TRPC4: variants seen among roughly 807,000 people sequenced by gnomAD.
The protein encoded by TRPC4 is short transient receptor potential channel 4.
A neutral mutation model predicts 99.4 loss-of-function variants in TRPC4; 49 were observed. That is an observed-to-expected ratio of 0.49 (90% CI 0.39 to 0.63). The LOEUF (loss-of-function observed/expected upper bound fraction) is 0.63. Among genes scored for constraint, TRPC4 ranks in the 20% least tolerant of loss-of-function variants. The pLI is 0.00. For synonymous variants in TRPC4, 454 were observed against 425.9 expected (o/e 1.07, Z -0.81); for missense variants, 898 against 1,152.9 (o/e 0.78, Z 3.20).
intron 5 of TRPC4, among the ~76,000 whole-genome samples, chr13:37,672,606 C>CA (rs1204894582): frequency 6.6e-6 from 1 of 152,086 alleles, no homozygotes; most frequent in African/African-American, 2.4e-5. Flanking sequence ...CACAAAACCA[C>CA]AAAAAACTAC....
chr13:37,726,780 G>T (rs1264562578), intron 3 of TRPC4, among the ~76,000 whole-genome samples: 1 of 151,954 alleles, frequency 6.6e-6, no homozygotes, highest in East Asian at 1.9e-4. Context: ...CATGAAAATA[G>T]TAACAAAAGG....
chr13:37,815,506 T>C (rs1957824920), intron 1 of TRPC4, among the ~76,000 whole-genome samples: 2 of 151,712 alleles, frequency 1.3e-5, no homozygotes, highest in African/African-American at 4.8e-5. Flanking sequence ...ACGACAGTGA[T>C]CAAAAAAGAC....
chr13:37,858,500 A>G (rs1438114163), intron 1 of TRPC4, among the ~76,000 whole-genome samples: 2 of 151,700 alleles, frequency 1.3e-5, no homozygotes, highest in Non-Finnish European at 3.0e-5. Context: ...TACTTTTCAC[A>G]ATAGTCAAAA....
At chr13:37,792,260 A>G (rs916922706) in intron 1 of TRPC4, among the ~76,000 whole-genome samples, 1 of 152,140 alleles carries the variant, frequency 6.6e-6, no homozygotes, top group Admixed American at 6.6e-5. Flanking sequence ...GGGAATTTAA[A>G]TGTCACATTT....
intron 5 of TRPC4, among the ~76,000 whole-genome samples, chr13:37,672,320 C>T (rs1952878026): frequency 6.6e-6 from 1 of 152,118 alleles, no homozygotes; most frequent in South Asian, 2.1e-4. Context: ...TGTATAACAG[C>T]AGTTTCTTTG....
intron 2 of TRPC4, among the ~76,000 whole-genome samples, chr13:37,769,705 C>A (rs1735422755): frequency 6.6e-6 from 1 of 151,424 alleles, no homozygotes; most frequent in Admixed American, 6.6e-5. Context: ...AGAAGCCTAT[C>A]CTCAGAGATT....
In TRPC4 at chr13:37,664,637, A is replaced by G. The variant is rs140954546; in HGVS notation, c.1375-908T>C. Among the ~76,000 whole-genome samples, 494 of 152,314 alleles carry G rather than the reference A, an allele frequency of 3.2e-3. 1 individual carries two copies. The highest frequency in any genetic ancestry group is 5.1e-3 in the Non-Finnish European group (346 of 68,024). Reference sequence around the variant, plus strand: ...ATTGCAGTATGAAAATCTGTAATTAAATCTGTATTAGAACTGAATAATAAA... The same window carrying G: ...ATTGCAGTATGAAAATCTGTAATTAGATCTGTATTAGAACTGAATAATAAA... On this transcript the variant is annotated intron_variant, in intron 5 of 10. Coordinates refer to ENST00000379705, the MANE Select transcript of TRPC4 (RefSeq NM_016179.4).
chr13:37,743,117 T>C (rs549123403), intron 3 of TRPC4, among the ~76,000 whole-genome samples: 1 of 152,282 alleles, frequency 6.6e-6, no homozygotes, highest in Non-Finnish European at 1.5e-5. Flanking sequence ...CTTTTAAAAT[T>C]GTATCTTTTG....
At chr13:37,794,049 C>A (rs1957188654) in intron 1 of TRPC4, among the ~76,000 whole-genome samples, 1 of 152,040 alleles carries the variant, frequency 6.6e-6, no homozygotes, top group South Asian at 2.1e-4. Flanking sequence ...ATGCATATTG[C>A]ATTTTACTGT....
intron 1 of TRPC4, among the ~76,000 whole-genome samples, chr13:37,835,039 G>GTTT (rs34691092): frequency 2.0e-5 from 3 of 147,726 alleles, no homozygotes; most frequent in African/African-American, 7.4e-5. Flanking sequence ...GGCCCAGCCT[G>GTTT]TTTTTTTTTT....
At chr13:37,845,673 C>T (rs1593307982) in intron 1 of TRPC4, among the ~76,000 whole-genome samples, 1 of 151,428 alleles carries the variant, frequency 6.6e-6, no homozygotes, top group African/African-American at 2.4e-5. Context: ...AATTATGGAA[C>T]ACCATAAAGC....
chr13:37,668,134 C>G (rs2181749), intron 5 of TRPC4, among the ~76,000 whole-genome samples: 2 of 152,156 alleles, frequency 1.3e-5, no homozygotes, highest in Middle Eastern at 3.4e-3. Flanking sequence ...AGGAAGAAAT[C>G]AAGAACTACT....
At chr13:37,824,388 A>C (rs1440168312) in intron 1 of TRPC4, among the ~76,000 whole-genome samples, 6 of 151,092 alleles carry the variant, frequency 4.0e-5, no homozygotes, top group African/African-American at 1.5e-4. Context: ...TTGCCCATTC[A>C]GTATGATATT....
intron 3 of TRPC4, among the ~76,000 whole-genome samples, chr13:37,743,495 A>G (rs945372969): frequency 2.0e-5 from 3 of 152,140 alleles, no homozygotes; most frequent in Admixed American, 1.3e-4. Context: ...ACGTTCAGTA[A>G]GGAAGAACAT....
chr13:37,849,799 G>A (rs894006569), intron 1 of TRPC4, among the ~76,000 whole-genome samples: 1 of 152,202 alleles, frequency 6.6e-6, no homozygotes, highest in Non-Finnish European at 1.5e-5. Context: ...AGCCAATCAT[G>A]GTCATCGGTG....
At position 37,639,302 on chromosome 13, in the gene TRPC4, G is replaced by A; in HGVS notation, c.2080-3C>T. On this transcript the variant is annotated splice_region_variant and splice_polypyrimidine_tract_variant and intron_variant, in intron 8 of 10. Transcript: ENST00000379705. ...CTCAAGTTATCAGCAGCTCGCCTCTGAAAAGGAAAAGGACATTCCTTTCTG... is the reference window on the plus strand; with the variant it reads ...CTCAAGTTATCAGCAGCTCGCCTCTAAAAAGGAAAAGGACATTCCTTTCTG... 6.2e-7 allele frequency: 1 copy of A among 1,613,518 alleles called. No homozygotes were observed. The highest frequency in any genetic ancestry group is 8.5e-7 in the Non-Finnish European group (1 of 1,179,568).
intron 2 of TRPC4, among the ~76,000 whole-genome samples, chr13:37,776,676 G>C (rs753635060): frequency 7.9e-5 from 12 of 151,910 alleles, no homozygotes; most frequent in South Asian, 2.1e-4. Flanking sequence ...TTTATAGACT[G>C]TCTTGGTATA....
At chr13:37,862,474 A>C (rs140704118) in intron 1 of TRPC4, among the ~76,000 whole-genome samples, 251 of 151,706 alleles carry the variant, frequency 1.7e-3, no homozygotes, top group African/African-American at 5.8e-3. Flanking sequence ...CTTACGGAAA[A>C]CAGTAATTAG....
chr13:37,646,277 TG>T (rs1195142125), intron 8 of TRPC4, among the ~76,000 whole-genome samples: 1 of 152,192 alleles, frequency 6.6e-6, no homozygotes, highest in African/African-American at 2.4e-5. Context: ...TCTCACCATG[TG>T]CTTGAGAGAA....
Sources: allele counts gnomAD v4.1 joint callset (sites outside exome capture counted in the v4.1 genomes callset), GRCh38; gene constraint gnomAD v4.1.1; transcripts MANE v1.5; gene names NCBI Gene and HGNC (gene_info 2026-07-23, HGNC 2026-07-21).